ATP8B4: variants seen among roughly 807,000 people sequenced by gnomAD.
ATP8B4 encodes the protein ATPase phospholipid transporting 8B4 (putative).
ATP8B4 carries 133 observed loss-of-function variants against 145.6 expected under a neutral mutation model. The observed-to-expected ratio is 0.91, with a 90% CI of 0.79 to 1.05. The LOEUF (loss-of-function observed/expected upper bound fraction) is 1.05. Among genes scored for constraint, ATP8B4 ranks in the 50% least tolerant of loss-of-function variants. ATP8B4 has a pLI of 0.00. For synonymous variants in ATP8B4, 507 were observed against 492.9 expected (o/e 1.03, Z -0.38); for missense variants, 1,458 against 1,425.2 (o/e 1.02, Z -0.37).
intron 9 of ATP8B4, among the ~76,000 whole-genome samples, chr15:49,990,281 A>T (rs926300408): frequency 6.6e-6 from 1 of 152,218 alleles, no homozygotes; most frequent in African/African-American, 2.4e-5. Flanking sequence ...GAGAAGAGAA[A>T]GAGGCAGTAA....
At chr15:49,864,344 T>C (rs570356271) in intron 26 of ATP8B4, among the ~76,000 whole-genome samples, 2 of 152,350 alleles carry the variant, frequency 1.3e-5, no homozygotes, top group South Asian at 4.1e-4. Flanking sequence ...CTTGTGGTCT[T>C]ATTTTGCTTT....
At chr15:49,904,080 T>A (rs1334220901) in intron 20 of ATP8B4, among the ~76,000 whole-genome samples, 1 of 152,120 alleles carries the variant, frequency 6.6e-6, no homozygotes, top group African/African-American at 2.4e-5. Flanking sequence ...TCTAGCCACT[T>A]GATTAGCCAG....
chr15:49,876,250 G>A (rs2034401945), intron 25 of ATP8B4, 28 bp downstream of exon 25: 2 of 1,607,358 alleles, frequency 1.2e-6, no homozygotes, highest in Non-Finnish European at 1.7e-6. Flanking sequence ...AACCCATCAA[G>A]TTAAGGTGCT....
chr15:50,113,668 G>A (rs773659860), intron 1 of ATP8B4, among the ~76,000 whole-genome samples: 5 of 151,702 alleles, frequency 3.3e-5, no homozygotes, highest in South Asian at 2.1e-4. Context: ...GAAAAACTCC[G>A]TCTTTACTAA....
intron 10 of ATP8B4, among the ~76,000 whole-genome samples, chr15:49,986,630 A>G (rs1302331577): frequency 3.3e-5 from 5 of 152,180 alleles, no homozygotes; most frequent in African/African-American, 1.2e-4. Flanking sequence ...AAACATTCCA[A>G]TTTTGATTGC....
chr15:49,908,891 G>A (rs555366006), intron 20 of ATP8B4, among the ~76,000 whole-genome samples: 1 of 152,142 alleles, frequency 6.6e-6, no homozygotes, highest in East Asian at 1.9e-4. Flanking sequence ...ACATATAGCT[G>A]CCACCTACAG....
At chr15:50,058,334 A>G (rs1215593347) in intron 3 of ATP8B4, among the ~76,000 whole-genome samples, 2 of 152,118 alleles carry the variant, frequency 1.3e-5, no homozygotes, top group African/African-American at 4.8e-5. Flanking sequence ...CTGAACTACA[A>G]CTTTGGACAA....
intron 13 of ATP8B4, among the ~76,000 whole-genome samples, chr15:49,966,469 G>A (rs1037265906): frequency 1.3e-5 from 2 of 152,176 alleles, no homozygotes; most frequent in Non-Finnish European, 2.9e-5. Flanking sequence ...GCTTGAGTAG[G>A]CAGTTTTCCC....
At chr15:50,105,040 A>G (rs1477001006) in intron 2 of ATP8B4, among the ~76,000 whole-genome samples, 3 of 152,078 alleles carry the variant, frequency 2.0e-5, no homozygotes, top group Non-Finnish European at 4.4e-5. Flanking sequence ...CATAAGTGGG[A>G]GCTAAGCTAT....
chr15:49,882,090 C>T (rs769106545), intron 23 of ATP8B4, among the ~76,000 whole-genome samples: 2 of 152,164 alleles, frequency 1.3e-5, no homozygotes, highest in Non-Finnish European at 2.9e-5. Flanking sequence ...GGTCCCAGCC[C>T]AGAGTAGGAA....
chr15:50,127,451 AC>A (rs1230768546), intron 1 of ATP8B4, among the ~76,000 whole-genome samples: 3 of 152,180 alleles, frequency 2.0e-5, no homozygotes, highest in African/African-American at 7.2e-5. Context: ...CATACATCCC[AC>A]AGCAATCGTG....
At chr15:49,953,053 G>C (rs2043236721) in intron 14 of ATP8B4, among the ~76,000 whole-genome samples, 1 of 152,106 alleles carries the variant, frequency 6.6e-6, no homozygotes, top group Admixed American at 6.5e-5. Flanking sequence ...CACTCAAGGA[G>C]GCTGGAGAGC....
chr15:50,089,454 GA>G (rs1182252822), intron 2 of ATP8B4, among the ~76,000 whole-genome samples: 4 of 152,050 alleles, frequency 2.6e-5, no homozygotes, highest in African/African-American at 9.6e-5. Context: ...CAACCACATT[GA>G]AAAGTGGGCA....
intron 20 of ATP8B4, among the ~76,000 whole-genome samples, chr15:49,907,396 C>A (rs958835865): frequency 6.6e-6 from 1 of 152,170 alleles, no homozygotes; most frequent in East Asian, 1.9e-4. Flanking sequence ...AATTACAAGA[C>A]CTATTCATTC....
intron 10 of ATP8B4, among the ~76,000 whole-genome samples, chr15:49,985,217 C>T (rs1415395706): frequency 3.3e-5 from 5 of 151,980 alleles, no homozygotes; most frequent in African/African-American, 1.2e-4. Flanking sequence ...CTACCTCAGC[C>T]TCCCGAGTAG....
Position 50,002,187 on chromosome 15 carries a change from C to A in ATP8B4, c.472G>T (p.Gly158Cys). 1 of 1,611,068 alleles carries A rather than the reference C, an allele frequency of 6.2e-7. No homozygotes were observed. Among genetic ancestry groups the A allele is most frequent in the Admixed American group, 1.7e-5 (1 of 59,852 alleles). ...LLLLSSSEPH[G>C]LCYVETAELD... ...TCAGCAGTTTCAACATAACAGAGAC[C>A]ATGTGGCTCACTACTTGATAGGAGA... Residue 158 changes from glycine to cysteine, a missense_variant, in exon 8 of 28, where the codon GGT (glycine) becomes TGT (cysteine). By Grantham distance (159) the Gly-to-Cys change is radical. Transcript: ENST00000284509.
Position 49,885,529 on chromosome 15 carries a change from A to G in ATP8B4, c.2698-6070T>C, listed in dbSNP as rs75444096. 7.0e-3 allele frequency among the ~76,000 whole-genome samples: 1,072 copies of G among 152,326 alleles called. 19 individuals are homozygous for G. The highest frequency in any genetic ancestry group is 0.024 in the African/African-American group (1,017 of 41,554). ...GTAGATACTCTACAAATATTTGTTG[A>G]CTGTAGGTACTCTATAAATACTTGT... On this transcript the variant is annotated intron_variant, in intron 23 of 27. Coordinates refer to ENST00000284509, the MANE Select transcript of ATP8B4 (RefSeq NM_024837.4).
chr15:50,121,751 G>C (rs2057272831), upstream of ATP8B4, among the ~76,000 whole-genome samples: 1 of 152,130 alleles, frequency 6.6e-6, no homozygotes, highest in Admixed American at 6.5e-5. Flanking sequence ...TGCACTGTCA[G>C]AACGCCAGGT....
chr15:49,920,122 T>C (rs1228301275), intron 18 of ATP8B4, 124 bp downstream of exon 18: 5 of 1,243,452 alleles, frequency 4.0e-6, no homozygotes, highest in African/African-American at 3.0e-5. Context: ...CATGATTCAG[T>C]GATTGAAAGA....
Sources: gnomAD v4.1 joint callset for allele counts (sites outside exome capture counted in the v4.1 genomes callset) on GRCh38, gnomAD v4.1.1 for gene constraint, MANE v1.5 for transcripts, NCBI Gene and HGNC (gene_info 2026-07-23, HGNC 2026-07-21) for gene names.